Variants in CNTNAP5 observed in about 807,000 individuals in gnomAD.
CNTNAP5 encodes the protein contactin-associated protein-like 5.
A neutral mutation model predicts 150.2 loss-of-function variants in CNTNAP5; 72 were observed. The ratio of observed to expected loss-of-function variants is 0.48; its 90% CI spans 0.40 to 0.58. The LOEUF is 0.58. Ranked by LOEUF, CNTNAP5 falls within the 20% of genes least tolerant of loss-of-function variation. The pLI is 0.00. For synonymous variants in CNTNAP5, 672 were observed against 619.8 expected, an observed-to-expected ratio of 1.08 and a Z score of -1.25; for missense variants, 1,636 against 1,626.2, an observed-to-expected ratio of 1.01 and a Z score of -0.10.
At chr2:124,633,630 C>G (rs764225938) in intron 12 of CNTNAP5, among the ~76,000 whole-genome samples, 9 of 152,212 alleles carry the variant, frequency 5.9e-5, no homozygotes, top group Non-Finnish European at 1.3e-4. Context: ...CTCTACTAGG[C>G]AGTGCTCCAG....
At chr2:124,215,071 A>G (rs997808509) in intron 1 of CNTNAP5, among the ~76,000 whole-genome samples, 1 of 152,190 alleles carries the variant, frequency 6.6e-6, no homozygotes, top group African/African-American at 2.4e-5. Flanking sequence ...AAGGGGAAAA[A>G]TAATTGAAGC....
At chr2:124,244,699 T>C (rs963117324) in intron 3 of CNTNAP5, among the ~76,000 whole-genome samples, 4 of 152,244 alleles carry the variant, frequency 2.6e-5, no homozygotes, top group Middle Eastern at 3.4e-3. Flanking sequence ...TAGGCAGGAA[T>C]ACCATGACCG....
chr2:124,384,281 G>A (rs1690876388), intron 3 of CNTNAP5, among the ~76,000 whole-genome samples: 1 of 152,034 alleles, frequency 6.6e-6, no homozygotes, highest in Non-Finnish European at 1.5e-5. Context: ...CGGTCACATT[G>A]CACAACATTT....
At chr2:124,638,889 T>C (rs943311315) in intron 12 of CNTNAP5, among the ~76,000 whole-genome samples, 8 of 152,234 alleles carry the variant, frequency 5.3e-5, no homozygotes, top group African/African-American at 1.7e-4. Flanking sequence ...TACTTTACTG[T>C]GTCAGTTAAC....
chr2:124,194,913 G>T (rs1685547547), intron 1 of CNTNAP5, among the ~76,000 whole-genome samples: 1 of 151,900 alleles, frequency 6.6e-6, no homozygotes, highest in African/African-American at 2.4e-5. Context: ...GAAGTTATTT[G>T]CAGTGTCCCA....
At chr2:124,142,592 G>A (rs1244292911) in intron 1 of CNTNAP5, among the ~76,000 whole-genome samples, 3 of 136,324 alleles carry the variant, frequency 2.2e-5, no homozygotes, top group Non-Finnish European at 4.7e-5. Context: ...TGAAACCAAC[G>A]AGAACAAAGA....
Position 124,363,386 on chromosome 2 carries a change from T to C in CNTNAP5, c.382-54057T>C, listed in dbSNP as rs189447982. ...GAACTCTACACCTGCAGACCAGCCC[T>C]CCTTCTTAACATCTCCCTGTGTCAA... On this transcript the variant is annotated intron_variant, in intron 3 of 23. Transcript: ENST00000682447. Among the ~76,000 whole-genome samples, 691 of 152,260 alleles carry C rather than the reference T, an allele frequency of 4.5e-3. 4 individuals are homozygous for C. Among genetic ancestry groups the C allele is most frequent in the African/African-American group, 0.016 (660 of 41,534 alleles).
chr2:124,571,325 G>A (rs930922176), intron 11 of CNTNAP5, among the ~76,000 whole-genome samples: 5 of 152,032 alleles, frequency 3.3e-5, no homozygotes, highest in Non-Finnish European at 5.9e-5. Flanking sequence ...GGTGTGGTAG[G>A]CCAAGTGTGG....
chr2:124,552,226 C>T (rs923079667), intron 10 of CNTNAP5, among the ~76,000 whole-genome samples: 7 of 152,058 alleles, frequency 4.6e-5, no homozygotes, highest in African/African-American at 9.7e-5. Flanking sequence ...AGAGGGCAGT[C>T]GGCTAGACTT....
chr2:124,067,172 G>GTA (rs1682182111), intron 1 of CNTNAP5, among the ~76,000 whole-genome samples: 1 of 152,330 alleles, frequency 6.6e-6, no homozygotes, highest in African/African-American at 2.4e-5. Context: ...AAATCTGGAA[G>GTA]TATAGTCTAT....
At chr2:124,451,380 C>T (rs1692978465) in intron 6 of CNTNAP5, among the ~76,000 whole-genome samples, 2 of 151,640 alleles carry the variant, frequency 1.3e-5, no homozygotes, top group Non-Finnish European at 2.9e-5. Context: ...CTAGGAATGG[C>T]ATAAAATCCA....
At chr2:124,266,747 T>C (rs574574580) in intron 3 of CNTNAP5, among the ~76,000 whole-genome samples, 1 of 152,274 alleles carries the variant, frequency 6.6e-6, no homozygotes, top group East Asian at 1.9e-4. Flanking sequence ...AATGCTCTGG[T>C]CTTCAGTGCA....
intron 7 of CNTNAP5, among the ~76,000 whole-genome samples, chr2:124,487,789 CTA>C (rs1693922189): frequency 6.6e-6 from 1 of 151,992 alleles, no homozygotes; most frequent in Non-Finnish European, 1.5e-5. Flanking sequence ...CCAAGAAAAT[CTA>C]GGCTTTTTTT....
chr2:124,706,789 A>AGGAGGAGGAGGAGG (rs1679654614), intron 13 of CNTNAP5, among the ~76,000 whole-genome samples: 1 of 31,002 alleles, frequency 3.2e-5, no homozygotes, highest in Non-Finnish European at 6.9e-5. Flanking sequence ...GAAGAAGAAG[A>AGGAGGAGGAGGAGG]AGAAGAAGGA....
chr2:124,856,075 G>GGTGT (rs56676705), intron 19 of CNTNAP5, among the ~76,000 whole-genome samples: 3,556 of 144,290 alleles, frequency 0.025, 53 homozygotes, highest in South Asian at 0.047. Flanking sequence ...AATAGTCCAT[G>GGTGT]GTGTGTGTGT....
At chr2:124,052,739 C>A (rs186796719) in intron 1 of CNTNAP5, among the ~76,000 whole-genome samples, 7 of 152,172 alleles carry the variant, frequency 4.6e-5, no homozygotes, top group Non-Finnish European at 8.8e-5. Context: ...CAAATAAGAA[C>A]CTAAGTAGCC....
chr2:124,651,264 G>A (rs1678316681), intron 13 of CNTNAP5, among the ~76,000 whole-genome samples: 1 of 152,184 alleles, frequency 6.6e-6, no homozygotes, highest in Admixed American at 6.5e-5. Context: ...AATTATGGCT[G>A]CAGGTGCATT....
rs557822645 is a variant in CNTNAP5, at chr2:124,497,569, T to G, written c.1063-6723T>G. On this transcript the variant is annotated intron_variant, in intron 7 of 23. Transcript: ENST00000682447. ...AGTGAAATAACCAAAGGATTATGTTTAATCATAAAGCCAGGAAATGAGTAC... is the reference window on the plus strand; with the variant it reads ...AGTGAAATAACCAAAGGATTATGTTGAATCATAAAGCCAGGAAATGAGTAC... Among the ~76,000 whole-genome samples, 46 of 152,346 alleles carry G rather than the reference T, an allele frequency of 3.0e-4. 1 individual carries two copies. The South Asian group carries it at 3.1e-3, about 10-fold the overall frequency.
chr2:124,355,070 T>C (rs965370644), intron 3 of CNTNAP5, among the ~76,000 whole-genome samples: 3 of 150,780 alleles, frequency 2.0e-5, no homozygotes, highest in African/African-American at 7.3e-5. Context: ...AATTTTCTAA[T>C]ACTCTATTTA....
Sources: gnomAD v4.1 joint callset for allele counts (sites outside exome capture counted in the v4.1 genomes callset) on GRCh38, gnomAD v4.1.1 for gene constraint, MANE v1.5 for transcripts, NCBI Gene and HGNC (gene_info 2026-07-23, HGNC 2026-07-21) for gene names.